Variants in TGFA observed in about 807,000 individuals in gnomAD.
The protein encoded by TGFA is protransforming growth factor alpha.
A neutral mutation model predicts 21.7 loss-of-function variants in TGFA; 12 were observed. The observed-to-expected ratio is 0.55, with a 90% confidence interval of 0.35 to 0.90. The LOEUF is 0.90. TGFA is among the 40% of genes least tolerant of loss of function. The pLI is 0.01. For synonymous variants in TGFA, 79 were observed against 88.1 expected (o/e 0.90, Z 0.58); for missense variants, 178 against 210.8 (o/e 0.84, Z 0.96).
chr2:70,457,923 A>C (rs1488338091), intron 3 of TGFA, among the ~76,000 whole-genome samples: 8 of 152,116 alleles, frequency 5.3e-5, no homozygotes, highest in African/African-American at 1.9e-4. Flanking sequence ...TTTCCCCCAG[A>C]CATGGCAGTG....
At chr2:70,460,727 C>T (rs1553491358) in intron 3 of TGFA, among the ~76,000 whole-genome samples, 1 of 152,174 alleles carries the variant, frequency 6.6e-6, no homozygotes, top group African/African-American at 2.4e-5. Flanking sequence ...CTTACATACT[C>T]CTTCCAGCAG....
intron 1 of TGFA, among the ~76,000 whole-genome samples, chr2:70,548,585 A>G (rs1323097293): frequency 6.6e-6 from 1 of 152,252 alleles, no homozygotes; most frequent in African/African-American, 2.4e-5. Context: ...AACAACAAAA[A>G]TTAAAGCCAA....
At chr2:70,496,273 T>C (rs989972683) in intron 2 of TGFA, among the ~76,000 whole-genome samples, 2 of 152,068 alleles carry the variant, frequency 1.3e-5, no homozygotes, top group Non-Finnish European at 2.9e-5. Context: ...CAAATAAGAG[T>C]CATTCGTAAT....
At chr2:70,499,373 A>G (rs1325171271) in intron 2 of TGFA, among the ~76,000 whole-genome samples, 3 of 152,208 alleles carry the variant, frequency 2.0e-5, no homozygotes, top group Non-Finnish European at 4.4e-5. Flanking sequence ...TCTAACCTGA[A>G]CTATCAGTTT....
intron 2 of TGFA, among the ~76,000 whole-genome samples, chr2:70,511,892 C>T (rs1672112137): frequency 1.2e-5 from 1 of 83,158 alleles, no homozygotes; most frequent in South Asian, 3.8e-4. Context: ...GTCATGAATA[C>T]ACACACACAC....
intron 3 of TGFA, among the ~76,000 whole-genome samples, chr2:70,461,353 A>C (rs1670401120): frequency 6.6e-6 from 1 of 152,174 alleles, no homozygotes; most frequent in African/African-American, 2.4e-5. Context: ...TACCAACAAG[A>C]AAACTGCCCC....
chr2:70,538,917 A>G (rs985573774), intron 1 of TGFA, among the ~76,000 whole-genome samples: 1 of 152,224 alleles, frequency 6.6e-6, no homozygotes, highest in Non-Finnish European at 1.5e-5. Context: ...CATGAAAGGA[A>G]GAATCAATTA....
At chr2:70,543,062 C>G (rs1209141133) in intron 1 of TGFA, among the ~76,000 whole-genome samples, 1 of 151,860 alleles carries the variant, frequency 6.6e-6, no homozygotes, top group Non-Finnish European at 1.5e-5. Flanking sequence ...AAGATTGCGC[C>G]ATTGCACTCC....
intron 1 of TGFA, chr2:70,553,313 G>A: frequency 6.6e-7 from 1 of 1,511,280 alleles, no homozygotes; most frequent in Non-Finnish European, 8.8e-7. Context: ...CGGCCAGAGG[G>A]TTAGACGCCG....
rs111944194 is a variant in TGFA, at chr2:70,518,327, A to G, written c.41-3415T>C. The stretch of plus-strand genomic sequence containing the variant: ...AAAGAAGGGGGTGGTATCAAGGGGA[A>G]AACCACATGCAACGGAAGAAAACCC... On this transcript the variant is annotated intron_variant, in intron 1 of 5. Coordinates refer to ENST00000295400, the MANE Select transcript of TGFA (RefSeq NM_003236.4). Among the ~76,000 whole-genome samples the G allele has an allele frequency of 4.0e-3, 602 of 152,316 alleles. 4 individuals carry two copies. Among genetic ancestry groups the G allele is most frequent in the African/African-American group, 0.014 (577 of 41,568 alleles).
intron 1 of TGFA, among the ~76,000 whole-genome samples, chr2:70,550,298 T>C (rs1673450805): frequency 1.3e-5 from 2 of 152,244 alleles, no homozygotes; most frequent in East Asian, 3.9e-4. Flanking sequence ...ATAAATAGCT[T>C]CCATATTTAC....
chr2:70,459,477 T>C (rs1295671818), intron 3 of TGFA, among the ~76,000 whole-genome samples: 1 of 152,114 alleles, frequency 6.6e-6, no homozygotes, highest in Admixed American at 6.5e-5. Context: ...TGCAGACTGG[T>C]TTGGAAGATA....
chr2:70,474,210 A>T (rs1356339973), intron 2 of TGFA, among the ~76,000 whole-genome samples: 3 of 152,210 alleles, frequency 2.0e-5, no homozygotes, highest in Non-Finnish European at 4.4e-5. Context: ...GGTTAGCATT[A>T]TTAGTCTCTA....
intron 3 of TGFA, among the ~76,000 whole-genome samples, chr2:70,458,745 C>A (rs1670318543): frequency 6.6e-6 from 1 of 152,196 alleles, no homozygotes; most frequent in African/African-American, 2.4e-5. Context: ...TCCATTCTTC[C>A]ATAGCTCACT....
At position 70,448,904 on chromosome 2, in the gene TGFA, C is replaced by A; in HGVS notation, c.*1955G>T. ...CGCCATCTGTCCAGCCTCATTCCTA[C>A]GCCTCTGCAAAGTCTCTTGGATGCT... On this transcript the variant is annotated 3_prime_UTR_variant, in exon 6 of 6. Transcript: ENST00000295400. 6.6e-6 allele frequency: 1 copy of A among 152,230 alleles called. No homozygotes were observed. The highest frequency in any genetic ancestry group is 1.9e-4 in the East Asian group (1 of 5,200). The allele number at this position is 152,230 out of a possible 1,614,324, so 9.4% of individuals were successfully genotyped here.
chr2:70,514,813 C>G (rs782336711), intron 2 of TGFA, 46 bp downstream of exon 2: 1 of 1,605,500 alleles, frequency 6.2e-7, no homozygotes, highest in Admixed American at 1.7e-5. Context: ...AGCAGGCCCG[C>G]TCCCTTCCCA....
rs142107956 is a variant in TGFA at position 70,534,880 on chromosome 2, C to T, written c.40+18848G>A. Among the ~76,000 whole-genome samples the T allele has an allele frequency of 1.2e-3, 180 of 152,252 alleles. 2 individuals are homozygous for T. In the East Asian group the frequency reaches 0.028, roughly 23 times the overall value. On this transcript the variant is annotated intron_variant, in intron 1 of 5. Coordinates refer to ENST00000295400, the MANE Select transcript of TGFA (RefSeq NM_003236.4). The stretch of plus-strand genomic sequence containing the variant: ...CTCACACACAAACAACTCCAGGCAC[C>T]TCAGCATCCACAGCCTTCCACAGGC...
intron 2 of TGFA, among the ~76,000 whole-genome samples, chr2:70,501,256 A>ATT (rs34066419): frequency 2.8e-5 from 4 of 144,796 alleles, no homozygotes; most frequent in Non-Finnish European, 3.0e-5. Context: ...TTTGCTTGCA[A>ATT]TTTTTTTTTT....
At chr2:70,533,887 G>A (rs1553504032) in intron 1 of TGFA, among the ~76,000 whole-genome samples, 2 of 151,090 alleles carry the variant, frequency 1.3e-5, no homozygotes, top group African/African-American at 4.9e-5. Flanking sequence ...TTTTCCAGAA[G>A]CTCATTCATT....
Sources: allele counts gnomAD v4.1 joint callset (sites outside exome capture counted in the v4.1 genomes callset), GRCh38; gene constraint gnomAD v4.1.1; transcripts MANE v1.5; gene names NCBI Gene and HGNC (gene_info 2026-07-23, HGNC 2026-07-21).